Variants in RERE observed in about 807,000 individuals in gnomAD.
The protein encoded by RERE is arginine-glutamic acid dipeptide repeats, also known as arginine-glutamic acid dipeptide repeats protein.
Under a neutral mutation model 146.1 loss-of-function variants are expected in RERE, and 40 were observed. That is an observed-to-expected ratio of 0.27 (90% confidence interval 0.21 to 0.36). The LOEUF (loss-of-function observed/expected upper bound fraction) is 0.36. RERE is among the 10% of genes least tolerant of loss of function. The pLI is 1.00. For missense variants in RERE, 1,933 were observed against 2,138.7 expected (o/e 0.90, Z 1.90); for synonymous variants, 1,003 against 866.0 (o/e 1.16, Z -2.78).
chr1:8,471,837 G>A (rs1459838681), intron 10 of RERE, among the ~76,000 whole-genome samples: 1 of 152,118 alleles, frequency 6.6e-6, no homozygotes, highest in Non-Finnish European at 1.5e-5. Flanking sequence ...TTAAGACAGA[G>A]TCTCACTCTT....
At chr1:8,725,471 CAGG>C (rs1447066815) in intron 1 of RERE, among the ~76,000 whole-genome samples, 1 of 152,120 alleles carries the variant, frequency 6.6e-6, no homozygotes, top group Non-Finnish European at 1.5e-5. Context: ...GAGGCTGAGG[CAGG>C]AGAATTGCTT....
In RERE at chr1:8,556,550, A is replaced by C. The variant is rs1284418656; in HGVS notation, c.650T>G (p.Ile217Ser). The change falls in exon 6 of 23, where the codon ATT becomes AGT. Residue 217 changes from isoleucine (I) to serine (S), a missense_variant. Around this residue, in one of 11 missense-constraint regions of RERE, gnomAD observed 37 missense variants for 46.6 expected, o/e 0.79. Transcript: ENST00000400908. Reference sequence around the variant, plus strand: ...TCGGTTCTTGATAACTGGGTCTGTAATGACAAGTTCTCTTCCAGAGTCTGT... The same window carrying C: ...TCGGTTCTTGATAACTGGGTCTGTACTGACAAGTTCTCTTCCAGAGTCTGT... ...NENDSGRELV[I>S]TDPVIKNREL... The C allele has an allele frequency of 6.2e-7, 1 of 1,607,002 alleles. No homozygotes were observed. The highest frequency in any genetic ancestry group is 1.1e-5 in the South Asian group (1 of 90,926).
chr1:8,723,799 T>C (rs1006043253), intron 1 of RERE, among the ~76,000 whole-genome samples: 2 of 152,226 alleles, frequency 1.3e-5, no homozygotes, highest in African/African-American at 4.8e-5. Context: ...CTTTCAGTAT[T>C]TCAGATAAAA....
intron 3 of RERE, among the ~76,000 whole-genome samples, chr1:8,622,108 T>C (rs1646923097): frequency 6.6e-6 from 1 of 152,194 alleles, no homozygotes; most frequent in South Asian, 2.1e-4. Flanking sequence ...ATTAGACCAA[T>C]ACTGACAACA....
intron 10 of RERE, among the ~76,000 whole-genome samples, chr1:8,469,130 T>C (rs1476804694): frequency 6.6e-6 from 1 of 152,078 alleles, no homozygotes; most frequent in East Asian, 1.9e-4. Flanking sequence ...AAAATATATG[T>C]TAGCTACATC....
At chr1:8,575,557 ATATATTT>A (rs1438701599) in intron 4 of RERE, among the ~76,000 whole-genome samples, 2 of 57,074 alleles carry the variant, frequency 3.5e-5, no homozygotes, top group African/African-American at 1.5e-4. Flanking sequence ...ATATATATAT[ATATATTT>A]TTTTTTTTTT....
intron 7 of RERE, among the ~76,000 whole-genome samples, chr1:8,531,182 C>CG (rs1011886610): frequency 6.6e-6 from 1 of 152,028 alleles, no homozygotes; most frequent in Non-Finnish European, 1.5e-5. Context: ...TGGATGGGCC[C>CG]GGGGGCTCAC....
intron 19 of RERE, among the ~76,000 whole-genome samples, chr1:8,359,494 G>C (rs545655769): frequency 1.3e-5 from 2 of 152,368 alleles, no homozygotes; most frequent in African/African-American, 4.8e-5. Flanking sequence ...TGCAGGAGAA[G>C]GACAGGCCCT....
At chr1:8,369,519 A>G (rs1034049802) in intron 12 of RERE, among the ~76,000 whole-genome samples, 3 of 127,430 alleles carry the variant, frequency 2.4e-5, no homozygotes, top group East Asian at 3.9e-4. Flanking sequence ...AAAAAAAAAA[A>G]AAAAAAAAAA....
At chr1:8,546,237 T>A (rs1174530471) in intron 6 of RERE, among the ~76,000 whole-genome samples, 2 of 151,130 alleles carry the variant, frequency 1.3e-5, no homozygotes, top group Admixed American at 1.3e-4. Context: ...CAGCTTGGCC[T>A]CTCAAAATGT....
chr1:8,586,776 A>G (rs1646432952), intron 4 of RERE, among the ~76,000 whole-genome samples: 1 of 124,186 alleles, frequency 8.1e-6, no homozygotes. Context: ...CATCCAAACC[A>G]AAAGAACTAA....
intron 1 of RERE, among the ~76,000 whole-genome samples, chr1:8,714,584 A>AC (rs1202858383): frequency 1.3e-5 from 2 of 152,102 alleles, no homozygotes; most frequent in African/African-American, 4.8e-5. Context: ...AACAGAGGGA[A>AC]CCCCAACCAA....
chr1:8,615,410 GAAAACATTTA>G (rs1164223601), intron 3 of RERE, among the ~76,000 whole-genome samples: 1 of 152,002 alleles, frequency 6.6e-6, no homozygotes, highest in African/African-American at 2.4e-5. Flanking sequence ...AATTAACTTT[GAAAACATTTA>G]AAAACCAGGA....
chr1:8,609,054 C>A (rs1466786040), intron 4 of RERE, among the ~76,000 whole-genome samples: 5 of 152,084 alleles, frequency 3.3e-5, no homozygotes, highest in African/African-American at 4.8e-5. Context: ...CCTATCTCTA[C>A]TAAAAATACA....
chr1:8,519,255 AAAC>A, intron 7 of RERE, among the ~76,000 whole-genome samples: 1 of 152,218 alleles, frequency 6.6e-6, no homozygotes, highest in South Asian at 2.1e-4. Context: ...CCAACCAACC[AAAC>A]AACAAAAACA....
chr1:8,796,472 A>T (rs1243364362), intron 1 of RERE: 2 of 152,212 alleles, frequency 1.3e-5, no homozygotes, highest in African/African-American at 4.8e-5. Flanking sequence ...TAAAAGGCAA[A>T]GGAACTTTAA....
chr1:8,624,462 T>C (rs1646951264), intron 2 of RERE, 82 bp from the exon 3 acceptor site: 1 of 845,502 alleles, frequency 1.2e-6, no homozygotes, highest in African/African-American at 1.7e-5. Context: ...ACTGCATAAA[T>C]AAATAAATGA....
chr1:8,570,014 T>G (rs1646200050), intron 4 of RERE, among the ~76,000 whole-genome samples: 1 of 152,182 alleles, frequency 6.6e-6, no homozygotes, highest in Non-Finnish European at 1.5e-5. Context: ...ACATGGGTTA[T>G]AGCTTATCAG....
intron 12 of RERE, among the ~76,000 whole-genome samples, chr1:8,367,732 A>T (rs925410272): frequency 3.3e-5 from 5 of 152,138 alleles, no homozygotes; most frequent in Non-Finnish European, 7.4e-5. Context: ...CCTCTCCCCC[A>T]TGCTAGTCTA....
Sources: allele counts gnomAD v4.1 joint callset (sites outside exome capture counted in the v4.1 genomes callset), GRCh38; gene constraint gnomAD v4.1.1; regional missense constraint gnomAD v4.1.1; transcripts MANE v1.5; gene names NCBI Gene and HGNC (gene_info 2026-07-23, HGNC 2026-07-21).